The following RYR3 variants were observed in gnomAD, a reference collection of about 807,000 sequenced individuals.
RYR3 encodes brain ryanodine receptor-calcium release channel.
A neutral mutation model predicts 584.3 loss-of-function variants in RYR3; 207 were observed. The ratio of observed to expected loss-of-function variants is 0.35; its 90% CI spans 0.32 to 0.40. The LOEUF is 0.40. Among genes scored for constraint, RYR3 ranks in the 10% least tolerant of loss-of-function variants. RYR3 has a pLI of 1.00. For missense variants in RYR3, 5,616 were observed against 6,089.2 expected (o/e 0.92, Z 2.59); for synonymous variants, 2,416 against 2,248.5 (o/e 1.07, Z -2.11).
intron 10 of RYR3, 69 bp from the exon 11 acceptor site, chr15:33,562,768 C>A: frequency 8.6e-7 from 1 of 1,157,824 alleles, no homozygotes; most frequent in South Asian, 1.4e-5. Context: ...ATAGGTGATT[C>A]GTTTTGTATA....
intron 1 of RYR3, among the ~76,000 whole-genome samples, chr15:33,378,221 CCAG>C (rs1443505267): frequency 6.6e-6 from 1 of 152,222 alleles, no homozygotes; most frequent in Non-Finnish European, 1.5e-5. Flanking sequence ...TCTGGGGGAG[CCAG>C]TCCAGCCCAC....
intron 1 of RYR3, among the ~76,000 whole-genome samples, chr15:33,417,988 C>T (rs2676031): frequency 0.039 from 5,873 of 152,058 alleles, 381 homozygotes; most frequent in African/African-American, 0.13. Flanking sequence ...CATCAAATTG[C>T]GTATGTTGAA....
intron 82 of RYR3, 103 bp from the exon 83 acceptor site, chr15:33,826,149 C>T (rs373500437): frequency 3.6e-6 from 4 of 1,113,906 alleles, no homozygotes; most frequent in Non-Finnish European, 5.5e-6. Flanking sequence ...AAGCTATCAT[C>T]TAGGATGGAT....
intron 81 of RYR3, among the ~76,000 whole-genome samples, chr15:33,824,391 G>A (rs1255559566): frequency 2.6e-5 from 4 of 152,162 alleles, no homozygotes; most frequent in Non-Finnish European, 2.9e-5. Flanking sequence ...CATTCAAAAT[G>A]GGTATTTAGG....
chr15:33,748,620 C>T (rs939363874), intron 55 of RYR3, 90 bp downstream of exon 55: 57 of 1,071,170 alleles, frequency 5.3e-5, no homozygotes, highest in Non-Finnish European at 7.0e-6. Context: ...GGAAAGAATG[C>T]CTAGAACATA....
In RYR3 at chr15:33,460,962, T is replaced by TTTTTTTTTTTTTTA. The variant is rs1567286930; in HGVS notation, c.52-12457_52-12456insTTTTTTTTTTTTTA. 8.5e-5 allele frequency among the ~76,000 whole-genome samples: 12 copies of TTTTTTTTTTTTTTA among 141,346 alleles called. No homozygotes were observed. The East Asian group carries it at 1.9e-3, about 22-fold the overall frequency. The allele number at this position is 141,346 out of a possible 152,430, so 92.7% of individuals were successfully genotyped here. On this transcript the variant is annotated intron_variant, in intron 1 of 103. Transcript: ENST00000634891. Reference sequence around the variant, plus strand: ...CACCTTTTTTTTTTTTTTTTTTTTTTAAGACGGAGTCTCGCTGTGTCGCCC... The same window carrying TTTTTTTTTTTTTTA: ...CACCTTTTTTTTTTTTTTTTTTTTTTTTTTTTTTTTTTTAAAGACGGAGTCTCGCTGTGTCGCCC...
intron 74 of RYR3, chr15:33,815,393 G>T (rs1385261835): frequency 6.5e-6 from 1 of 152,844 alleles, no homozygotes; most frequent in Non-Finnish European, 1.5e-5. Context: ...GTTGGCCTTC[G>T]AAAGAGCCTA....
At chr15:33,771,794 C>T (rs1036102655) in intron 62 of RYR3, 126 bp from the exon 63 acceptor site, 23 of 673,560 alleles carry the variant, frequency 3.4e-5, no homozygotes, top group African/African-American at 1.8e-5. Flanking sequence ...CTCCCTTTCT[C>T]CTGACACAGT....
intron 86 of RYR3, among the ~76,000 whole-genome samples, chr15:33,832,186 C>T (rs903671273): frequency 4.0e-5 from 6 of 151,520 alleles, no homozygotes; most frequent in African/African-American, 1.5e-4. Flanking sequence ...ACCCGCTACT[C>T]GGGAGCCTGA....
At chr15:33,396,575 G>C (rs2042311666) in intron 1 of RYR3, among the ~76,000 whole-genome samples, 2 of 152,310 alleles carry the variant, frequency 1.3e-5, no homozygotes, top group Non-Finnish European at 1.5e-5. Flanking sequence ...TTGGTGCAAA[G>C]GTAACTGGGG....
At chr15:33,453,611 T>G (rs2047312354) in intron 1 of RYR3, among the ~76,000 whole-genome samples, 1 of 152,238 alleles carries the variant, frequency 6.6e-6, no homozygotes, top group Non-Finnish European at 1.5e-5. Flanking sequence ...TGTATACAAA[T>G]GTTAACTGTC....
intron 1 of RYR3, among the ~76,000 whole-genome samples, chr15:33,470,989 TG>T (rs1190779173): frequency 6.6e-6 from 1 of 152,154 alleles, no homozygotes. Context: ...TTGGAGAGCT[TG>T]TGTTCTGTAT....
At chr15:33,859,226 G>C in intron 99 of RYR3, 1 of 214,078 alleles carries the variant, frequency 4.7e-6, no homozygotes, top group East Asian at 1.0e-4. Context: ...AGCACAGCCT[G>C]AAGGCCAGGC....
At chr15:33,623,345 T>G (rs11636955) in intron 19 of RYR3, among the ~76,000 whole-genome samples, 9,574 of 152,310 alleles carry the variant, frequency 0.063, 314 homozygotes, top group Middle Eastern at 0.11. Flanking sequence ...AAAATAAGAT[T>G]TTAATACTTT....
chr15:33,860,216 A>G (rs1312999967), intron 100 of RYR3, among the ~76,000 whole-genome samples: 5 of 152,236 alleles, frequency 3.3e-5, no homozygotes, highest in Non-Finnish European at 7.3e-5. Context: ...TTGAGGGCTA[A>G]GAAGTGAAGT....
At chr15:33,759,726 A>G (rs2072239594) in intron 60 of RYR3, among the ~76,000 whole-genome samples, 1 of 152,232 alleles carries the variant, frequency 6.6e-6, no homozygotes, top group Admixed American at 6.5e-5. Context: ...ACTCTTCAGG[A>G]TATTATCCAG....
Position 33,687,993 on chromosome 15 carries a change from G to A in RYR3, c.5861-8225G>A, listed in dbSNP as rs138905235. On this transcript the variant is annotated intron_variant, in intron 38 of 103. Transcript: ENST00000634891. ...AAACCTAGGCAATACCATTCAGGAC[G>A]TAAGCATGGGTAAGGACTTCATGAC... 3.2e-3 allele frequency among the ~76,000 whole-genome samples: 482 copies of A among 152,288 alleles called. 4 individuals are homozygous for A. The highest frequency in any genetic ancestry group is 0.011 in the African/African-American group (455 of 41,560).
At chr15:33,735,743 C>CA (rs2152828726) in intron 48 of RYR3, among the ~76,000 whole-genome samples, 1 of 152,254 alleles carries the variant, frequency 6.6e-6, no homozygotes, top group East Asian at 1.9e-4. Flanking sequence ...AGCCTTACCC[C>CA]AAACAAATGA....
chr15:33,434,752 T>C (rs1008222573), intron 1 of RYR3, among the ~76,000 whole-genome samples: 22 of 152,184 alleles, frequency 1.4e-4, no homozygotes, highest in African/African-American at 5.1e-4. Context: ...GTCATTCTCT[T>C]CTCTTTAGTG....
Sources: gnomAD v4.1 joint callset for allele counts (sites outside exome capture counted in the v4.1 genomes callset) on GRCh38, gnomAD v4.1.1 for gene constraint, MANE v1.5 for transcripts, NCBI Gene and HGNC (gene_info 2026-07-23, HGNC 2026-07-21) for gene names.